The following LRRTM4 variants were observed in gnomAD, a reference collection of about 807,000 sequenced individuals.
LRRTM4 encodes leucine rich repeat transmembrane neuronal 4, also known as leucine-rich repeat transmembrane neuronal protein 4.
LRRTM4 carries 25 observed loss-of-function variants against 47.6 expected under a neutral mutation model. The ratio of observed to expected loss-of-function variants is 0.53; its 90% CI spans 0.38 to 0.73. The LOEUF is 0.73. Among genes scored for constraint, LRRTM4 ranks in the 30% least tolerant of loss-of-function variants. LRRTM4 has a pLI of 0.00. For synonymous variants in LRRTM4, 311 were observed against 269.5 expected (o/e 1.15, Z -1.51); for missense variants, 638 against 713.4 (o/e 0.89, Z 1.20).
chr2:76,795,859 G>C (rs967115384), intron 3 of LRRTM4, among the ~76,000 whole-genome samples: 7 of 152,028 alleles, frequency 4.6e-5, no homozygotes, highest in African/African-American at 1.7e-4. Flanking sequence ...CTCCCAGCGT[G>C]AGCGACGCAG....
chr2:77,403,869 A>AAT lies in LRRTM4; in HGVS notation c.1551+114447_1551+114448dup, dbSNP rs150397147. Among the ~76,000 whole-genome samples the AAT allele has an allele frequency of 1.7e-3, 241 of 143,666 alleles. 4 individuals carry two copies. The highest frequency in any genetic ancestry group is 5.3e-3 in the African/African-American group (186 of 34,924). 94.3% of individuals were successfully genotyped at this position (143,666 alleles called of 152,430 possible). ...TCTTTATTCCCCCACTTAAATGAGA[A>AAT]ATATATATATATATATTTTAGGAAA... is the stretch of plus-strand genomic sequence containing the variant. On this transcript the variant is annotated intron_variant, in intron 3 of 3. Transcript: ENST00000409884.
At chr2:76,814,816 CACACACACACACACACACAAAAGCAT>C (rs1670853029) in intron 3 of LRRTM4, among the ~76,000 whole-genome samples, 1 of 150,518 alleles carries the variant, frequency 6.6e-6, no homozygotes, top group African/African-American at 2.5e-5. Context: ...TACACACACA[CACACACACACACACACACAAAAGCAT>C]ACCCCATACA....
chr2:77,305,514 G>A (rs755874449), intron 3 of LRRTM4, among the ~76,000 whole-genome samples: 9 of 151,934 alleles, frequency 5.9e-5, no homozygotes, highest in Non-Finnish European at 7.4e-5. Context: ...CTTTAAAATC[G>A]TTCCAAAGTT....
At chr2:77,194,074 A>G (rs1673749179) in intron 3 of LRRTM4, among the ~76,000 whole-genome samples, 1 of 152,156 alleles carries the variant, frequency 6.6e-6, no homozygotes, top group Admixed American at 6.6e-5. Flanking sequence ...GGTTATTGAG[A>G]AACATAACGG....
chr2:77,077,534 A>G (rs778080709), intron 3 of LRRTM4, among the ~76,000 whole-genome samples: 4 of 152,176 alleles, frequency 2.6e-5, no homozygotes, highest in Non-Finnish European at 4.4e-5. Flanking sequence ...CCTGTAGAGC[A>G]TGGTGGAAAA....
At position 77,276,708 on chromosome 2, in the gene LRRTM4, TA is replaced by T. The variant is rs1676368943; in HGVS notation, c.1551+241609del. 6.4e-4 allele frequency among the ~76,000 whole-genome samples: 80 copies of T among 124,262 alleles called. 2 individuals are homozygous for T. The highest frequency in any genetic ancestry group is 2.9e-3 in the African/African-American group (79 of 27,302). The allele number at this position is 124,262 out of a possible 152,430, so 81.5% of individuals were successfully genotyped here. A position where few individuals can be genotyped will look rare whatever the true frequency, so the allele number is the denominator to read the frequency against. On this transcript the variant is annotated intron_variant, in intron 3 of 3. Coordinates refer to ENST00000409884, the MANE Select transcript of LRRTM4 (RefSeq NM_001134745.3). ...ACGCATATATATATATATATATATA[TA>T]TATATATATATATATATATATATGT...
At chr2:77,270,375 C>G (rs1162463195) in intron 3 of LRRTM4, among the ~76,000 whole-genome samples, 1 of 152,134 alleles carries the variant, frequency 6.6e-6, no homozygotes, top group Non-Finnish European at 1.5e-5. Flanking sequence ...ATTGGGATCT[C>G]TCTATGATGA....
intron 3 of LRRTM4, among the ~76,000 whole-genome samples, chr2:77,235,096 T>A (rs1675067741): frequency 6.6e-6 from 1 of 152,188 alleles, no homozygotes; most frequent in African/African-American, 2.4e-5. Flanking sequence ...CATTCTATGG[T>A]GGATATGTAC....
At chr2:77,063,716 T>C (rs1679866957) in intron 3 of LRRTM4, among the ~76,000 whole-genome samples, 1 of 152,202 alleles carries the variant, frequency 6.6e-6, no homozygotes, top group South Asian at 2.1e-4. Context: ...CAAAATTAAA[T>C]TGAGCAGAGG....
At chr2:76,957,576 C>T (rs1452055616) in intron 3 of LRRTM4, among the ~76,000 whole-genome samples, 1 of 151,300 alleles carries the variant, frequency 6.6e-6, no homozygotes, top group Non-Finnish European at 1.5e-5. Flanking sequence ...AAGAAGAATC[C>T]CTGTTTTCTA....
chr2:76,883,431 C>A (rs917037845), intron 3 of LRRTM4, among the ~76,000 whole-genome samples: 13 of 152,158 alleles, frequency 8.5e-5, no homozygotes, highest in Admixed American at 6.5e-4. Context: ...ACTTTCCCAG[C>A]CCCGAGCCCT....
At chr2:77,135,163 G>A (rs959846504) in intron 3 of LRRTM4, among the ~76,000 whole-genome samples, 19 of 152,268 alleles carry the variant, frequency 1.2e-4, no homozygotes, top group African/African-American at 3.6e-4. Flanking sequence ...CAACTCCACA[G>A]AATCAGTTCC....
At chr2:77,288,522 G>T (rs1436251540) in intron 3 of LRRTM4, among the ~76,000 whole-genome samples, 1 of 151,868 alleles carries the variant, frequency 6.6e-6, no homozygotes, top group Non-Finnish European at 1.5e-5. Context: ...CTATAAAAAA[G>T]ACTATACGTG....
At chr2:77,333,727 G>A (rs1334352265) in intron 3 of LRRTM4, among the ~76,000 whole-genome samples, 1 of 152,164 alleles carries the variant, frequency 6.6e-6, no homozygotes, top group African/African-American at 2.4e-5. Context: ...GGGAAATGTG[G>A]GATTGGAGCC....
At chr2:77,449,120 C>T (rs62162582) in intron 3 of LRRTM4, among the ~76,000 whole-genome samples, 4,140 of 152,158 alleles carry the variant, frequency 0.027, 96 homozygotes, top group Middle Eastern at 0.065. Context: ...ATTGGATAAA[C>T]ATTTTAGGCT....
intron 3 of LRRTM4, among the ~76,000 whole-genome samples, chr2:77,106,519 A>G (rs72807256): frequency 0.047 from 7,194 of 152,146 alleles, 350 homozygotes; most frequent in African/African-American, 0.12. Flanking sequence ...GGATAGAAAT[A>G]CTGGAATTAA....
chr2:77,068,009 AAAGG>A (rs1182828670), intron 3 of LRRTM4, among the ~76,000 whole-genome samples: 4 of 152,154 alleles, frequency 2.6e-5, no homozygotes, highest in Non-Finnish European at 5.9e-5. Context: ...TACGGAGGAT[AAAGG>A]AATATATTAA....
At chr2:77,072,398 C>T (rs765452605) in intron 3 of LRRTM4, among the ~76,000 whole-genome samples, 1 of 152,052 alleles carries the variant, frequency 6.6e-6, no homozygotes. Flanking sequence ...GTGAAAAAAC[C>T]TGATGGTCTA....
intron 3 of LRRTM4, among the ~76,000 whole-genome samples, chr2:77,033,225 C>G (rs983200846): frequency 6.6e-6 from 1 of 151,848 alleles, no homozygotes; most frequent in Admixed American, 6.6e-5. Flanking sequence ...ATTTTCTAAA[C>G]AAGATCATTG....
Sources: gnomAD v4.1 joint callset for allele counts (sites outside exome capture counted in the v4.1 genomes callset) on GRCh38, gnomAD v4.1.1 for gene constraint, MANE v1.5 for transcripts, NCBI Gene and HGNC (gene_info 2026-07-23, HGNC 2026-07-21) for gene names.